Variants in PCDHA1 observed in about 807,000 individuals in gnomAD.
PCDHA1 encodes protocadherin alpha-1.
PCDHA1 carries 42 observed loss-of-function variants against 61.3 expected under a neutral mutation model. The observed-to-expected ratio is 0.69, with a 90% CI of 0.54 to 0.89. The LOEUF (loss-of-function observed/expected upper bound fraction) is 0.89. Ranked by LOEUF, PCDHA1 falls within the 40% of genes least tolerant of loss-of-function variation. The pLI, the probability that PCDHA1 is intolerant of heterozygous loss-of-function variation, is 0.00. For synonymous variants in PCDHA1, 610 were observed against 553.8 expected (o/e 1.10, Z -1.43); for missense variants, 1,256 against 1,235.3 (o/e 1.02, Z -0.25).
rs1188351170 is a variant in PCDHA1, at chr5:140,929,610, T to C, written c.2395-49339T>C. 7.3e-6 allele frequency: 3 copies of C among 408,442 alleles called. No individual in the cohort carries two copies. The South Asian group carries it at 4.1e-4, about 55-fold the overall frequency. 25.3% of individuals were successfully genotyped at this position (408,442 alleles called of 1,614,324 possible). On this transcript the variant is annotated intron_variant, in intron 1 of 3. Transcript: ENST00000504120. ...TAAAGGTCTAAAATTAAAAATAAAA[T>C]ACCAAAATATTTTATAAGCAACAGA...
intron 1 of PCDHA1, chr5:140,841,450 C>G: frequency 6.2e-7 from 1 of 1,612,936 alleles, no homozygotes; most frequent in Non-Finnish European, 8.5e-7. Context: ...AACACGGCAC[C>G]TTCGTGGGCC....
intron 1 of PCDHA1, among the ~76,000 whole-genome samples, chr5:140,924,565 T>A (rs1213361312): frequency 2.0e-5 from 3 of 152,102 alleles, no homozygotes; most frequent in Admixed American, 2.0e-4. Flanking sequence ...TAATCAGCAA[T>A]TTTTAAATGT....
intron 2 of PCDHA1, 86 bp from the exon 3 acceptor site, chr5:140,982,389 T>C: frequency 1.3e-6 from 2 of 1,593,476 alleles, no homozygotes; most frequent in South Asian, 1.1e-5. Context: ...CCTGGCTTCA[T>C]AGTTGTAAGC....
chr5:140,915,205 C>G (rs1554196797), intron 1 of PCDHA1, among the ~76,000 whole-genome samples: 1 of 152,076 alleles, frequency 6.6e-6, no homozygotes, highest in Non-Finnish European at 1.5e-5. Flanking sequence ...TCTTGGCCTC[C>G]CAAAGTGCTG....
chr5:140,979,048 C>T, intron 2 of PCDHA1, 41 bp downstream of exon 2: 2 of 1,611,774 alleles, frequency 1.2e-6, no homozygotes, highest in East Asian at 2.2e-5. Context: ...GTAACCTTAA[C>T]TTGGTATGGC....
intron 1 of PCDHA1, chr5:140,876,925 CAGA>C: frequency 6.2e-7 from 1 of 1,613,838 alleles, no homozygotes; most frequent in Non-Finnish European, 8.5e-7. Context: ...CGCGGACGCG[CAGA>C]AGAACGCGCT....
At chr5:140,827,173 A>G (rs1396480126) in intron 1 of PCDHA1, among the ~76,000 whole-genome samples, 1 of 152,190 alleles carries the variant, frequency 6.6e-6, no homozygotes, top group Non-Finnish European at 1.5e-5. Flanking sequence ...ATACCTCAAT[A>G]AAAGTCTTAT....
intron 1 of PCDHA1, among the ~76,000 whole-genome samples, chr5:140,964,719 C>T (rs1042863318): frequency 1.3e-5 from 2 of 151,420 alleles, no homozygotes; most frequent in Non-Finnish European, 2.9e-5. Flanking sequence ...ATCAAATTAC[C>T]ACAGCAAACT....
At chr5:140,836,023 G>A in intron 1 of PCDHA1, 7 of 1,613,414 alleles carry the variant, frequency 4.3e-6, no homozygotes, top group Non-Finnish European at 5.9e-6. Flanking sequence ...CCTCTGGGCA[G>A]CAACGTGACG....
At chr5:140,791,362 AC>A (rs1554118656) in intron 1 of PCDHA1, among the ~76,000 whole-genome samples, 1 of 152,236 alleles carries the variant, frequency 6.6e-6, no homozygotes, top group Admixed American at 6.5e-5. Context: ...ACTGGTTGAT[AC>A]TGAGACACCA....
At chr5:140,925,812 A>G (rs2082739434) in intron 1 of PCDHA1, among the ~76,000 whole-genome samples, 1 of 151,890 alleles carries the variant, frequency 6.6e-6, no homozygotes. Flanking sequence ...TCCACTTCTC[A>G]CGTCTTCTTT....
chr5:140,830,614 TTG>T (rs1387881436), intron 1 of PCDHA1: 73 of 608,268 alleles, frequency 1.2e-4, no homozygotes, highest in East Asian at 2.1e-4. Context: ...TTTCATTTTA[TTG>T]TGTTTCTTAT....
At chr5:140,808,052 G>A in intron 1 of PCDHA1, 2 of 1,614,034 alleles carry the variant, frequency 1.2e-6, no homozygotes, top group Non-Finnish European at 1.7e-6. Context: ...TTCGCCAAAT[G>A]TGAAATCCAA....
chr5:140,876,463 G>T, intron 1 of PCDHA1: 2 of 1,614,014 alleles, frequency 1.2e-6, no homozygotes, highest in Non-Finnish European at 1.7e-6. Flanking sequence ...TCCTTCCATG[G>T]CAGGTCACAG....
intron 1 of PCDHA1, chr5:140,797,015 T>A: frequency 6.2e-7 from 1 of 1,613,598 alleles, no homozygotes; most frequent in Admixed American, 1.7e-5. Flanking sequence ...CGGGCGTGGG[T>A]GGGCGCCGCG....
intron 1 of PCDHA1, chr5:140,852,540 T>C (rs2042365711): frequency 9.3e-6 from 5 of 536,720 alleles, no homozygotes; most frequent in Non-Finnish European, 1.2e-5. Flanking sequence ...CCTCCCAAAG[T>C]GCTGGGATTA....
At chr5:140,808,870 C>G in intron 1 of PCDHA1, 3 of 1,613,180 alleles carry the variant, frequency 1.9e-6, no homozygotes, top group Non-Finnish European at 2.5e-6. Context: ...AAAACGACAA[C>G]GCGCCAGCAC....
At chr5:140,916,539 A>G (rs114063131) in intron 1 of PCDHA1, among the ~76,000 whole-genome samples, 1,727 of 152,262 alleles carry the variant, frequency 0.011, 30 homozygotes, top group African/African-American at 0.038. Context: ...CACCAAGGCA[A>G]TGGGTTTTCT....
intron 1 of PCDHA1, among the ~76,000 whole-genome samples, chr5:140,900,374 T>TCAAGAA (rs1554189115): frequency 1.3e-5 from 2 of 151,622 alleles, no homozygotes; most frequent in Non-Finnish European, 2.9e-5. Flanking sequence ...GCCTCCTGGG[T>TCAAGAA]TCAAGCGATT....
Sources: gnomAD v4.1 joint callset for allele counts (sites outside exome capture counted in the v4.1 genomes callset) on GRCh38, gnomAD v4.1.1 for gene constraint, MANE v1.5 for transcripts, NCBI Gene and HGNC (gene_info 2026-07-23, HGNC 2026-07-21) for gene names.